The following ADAMTSL1 variants were observed in gnomAD, a reference collection of about 807,000 sequenced individuals.
ADAMTSL1 encodes ADAMTS like 1.
A neutral mutation model predicts 201.8 loss-of-function variants in ADAMTSL1; 126 were observed. That is an observed-to-expected ratio of 0.62 (90% CI 0.54 to 0.72). ADAMTSL1 has a LOEUF of 0.72. Ranked by LOEUF, ADAMTSL1 falls within the 30% of genes least tolerant of loss-of-function variation. The pLI, the probability that ADAMTSL1 is intolerant of heterozygous loss-of-function variation, is 0.00. For missense variants in ADAMTSL1, 2,679 were observed against 2,277.8 expected (o/e 1.18, Z -3.59); for synonymous variants, 1,121 against 903.4 (o/e 1.24, Z -4.32).
chr9:17,992,579 A>C (rs1386035676), intron 1 of ADAMTSL1, among the ~76,000 whole-genome samples: 1 of 152,058 alleles, frequency 6.6e-6, no homozygotes, highest in African/African-American at 2.4e-5. Flanking sequence ...TGAGGCTAGG[A>C]GTTCAAGACC....
chr9:18,754,645 C>G (rs561759924), intron 16 of ADAMTSL1, among the ~76,000 whole-genome samples: 24 of 152,322 alleles, frequency 1.6e-4, no homozygotes, highest in African/African-American at 5.5e-4. Context: ...TGTGCTTTCT[C>G]CTAATCATTT....
At chr9:18,225,384 A>G (rs1258978767) in intron 2 of ADAMTSL1, among the ~76,000 whole-genome samples, 1 of 152,198 alleles carries the variant, frequency 6.6e-6, no homozygotes, top group Non-Finnish European at 1.5e-5. Flanking sequence ...TTATATCACT[A>G]TAATATGCGA....
At chr9:18,277,603 T>C (rs1832632871) in intron 2 of ADAMTSL1, among the ~76,000 whole-genome samples, 1 of 152,190 alleles carries the variant, frequency 6.6e-6, no homozygotes, top group Non-Finnish European at 1.5e-5. Flanking sequence ...CTCTGCTCTC[T>C]TTTTGTTACC....
intron 23 of ADAMTSL1, among the ~76,000 whole-genome samples, chr9:18,853,131 A>ACTTCATG (rs976880600): frequency 8.5e-5 from 13 of 152,140 alleles, no homozygotes; most frequent in Non-Finnish European, 1.8e-4. Flanking sequence ...ATCTGAGTAG[A>ACTTCATG]CTTCATGGGG....
chr9:18,889,516 T>C, intron 24 of ADAMTSL1, 52 bp from the exon 25 acceptor site: 1 of 1,579,030 alleles, frequency 6.3e-7, no homozygotes. Flanking sequence ...GAATTCAGAG[T>C]GTGGGCAATT....
At chr9:17,922,212 G>C (rs189768793) in intron 1 of ADAMTSL1, among the ~76,000 whole-genome samples, 2 of 151,926 alleles carry the variant, frequency 1.3e-5, no homozygotes, top group Non-Finnish European at 2.9e-5. Flanking sequence ...TCTAAGTGGA[G>C]AATTATGCAT....
At chr9:18,892,624 A>T in intron 26 of ADAMTSL1, 28 bp downstream of exon 26, 1 of 1,548,060 alleles carries the variant, frequency 6.5e-7, no homozygotes, top group Non-Finnish European at 8.7e-7. Context: ...TTGTTATTTG[A>T]AAGCTAAATC....
intron 20 of ADAMTSL1, among the ~76,000 whole-genome samples, chr9:18,808,937 G>C (rs550070072): frequency 4.6e-5 from 7 of 152,148 alleles, no homozygotes; most frequent in African/African-American, 1.7e-4. Context: ...CTGCCTCTCA[G>C]GGTTGTTATC....
At chr9:18,494,955 A>G (rs1385227963) in intron 1 of ADAMTSL1, among the ~76,000 whole-genome samples, 3 of 152,180 alleles carry the variant, frequency 2.0e-5, no homozygotes, top group Non-Finnish European at 4.4e-5. Flanking sequence ...AAGAGGACAG[A>G]CTGGTGGGAA....
At chr9:18,626,544 G>A (rs748854178) in intron 5 of ADAMTSL1, among the ~76,000 whole-genome samples, 1 of 152,214 alleles carries the variant, frequency 6.6e-6, no homozygotes, top group Non-Finnish European at 1.5e-5. Context: ...TTTCAAAAAG[G>A]CTAGAGAAAA....
chr9:18,122,708 ATCT>A (rs1825553069), intron 1 of ADAMTSL1, among the ~76,000 whole-genome samples: 1 of 152,228 alleles, frequency 6.6e-6, no homozygotes, highest in Non-Finnish European at 1.5e-5. Flanking sequence ...AGTTACATAC[ATCT>A]TCTTTTCAGC....
intron 1 of ADAMTSL1, among the ~76,000 whole-genome samples, chr9:17,994,787 A>G (rs1247125623): frequency 6.6e-6 from 1 of 152,162 alleles, no homozygotes; most frequent in African/African-American, 2.4e-5. Context: ...TTTTCTAGGT[A>G]GACAGGAATG....
At chr9:18,902,306 G>GT (rs1452668340) in intron 26 of ADAMTSL1, among the ~76,000 whole-genome samples, 2 of 152,070 alleles carry the variant, frequency 1.3e-5, no homozygotes, top group African/African-American at 2.4e-5. Flanking sequence ...CAGAATACTT[G>GT]TTTTTTCTCA....
At chr9:18,030,251 C>T (rs1820889352) in intron 1 of ADAMTSL1, among the ~76,000 whole-genome samples, 1 of 152,136 alleles carries the variant, frequency 6.6e-6, no homozygotes, top group Admixed American at 6.5e-5. Context: ...TTTGTAGGGA[C>T]ATGGATGAAA....
At chr9:18,470,651 TG>T (rs1438596765), upstream of ADAMTSL1, among the ~76,000 whole-genome samples, 1 of 152,144 alleles carries the variant, frequency 6.6e-6, no homozygotes, top group East Asian at 1.9e-4. Flanking sequence ...AAGAGACAGG[TG>T]GCTCCAGAGC....
intron 19 of ADAMTSL1, among the ~76,000 whole-genome samples, chr9:18,786,415 T>G (rs1821709032): frequency 6.6e-6 from 1 of 152,254 alleles, no homozygotes. Context: ...AAATCCCAGT[T>G]CTGCCACTTA....
At position 18,826,347 on chromosome 9, in the gene ADAMTSL1, T is replaced by C; in HGVS notation, c.3998T>C (p.Leu1333Pro). Reference sequence around the variant, plus strand: ...AGCAAACTGGGCTCCCCGCACCATCTGCACGAAGGCTCCTTGCTGCTCACA... The same window carrying C: ...AGCAAACTGGGCTCCCCGCACCATCCGCACGAAGGCTCCTTGCTGCTCACA... ...NKSKLGSPHH[L>P]HEGSLLLTNV... Residue 1333 changes from leucine to proline, a missense_variant, in exon 22 of 29, where the codon CTG becomes CCG. Transcript: ENST00000380548. 1 of 1,613,682 alleles carries C rather than the reference T, an allele frequency of 6.2e-7. No individual in the cohort carries two copies. Among genetic ancestry groups the C allele is most frequent in the South Asian group, 1.1e-5 (1 of 91,010 alleles).
At chr9:18,734,714 C>T (rs546210787) in intron 15 of ADAMTSL1, among the ~76,000 whole-genome samples, 9 of 152,134 alleles carry the variant, frequency 5.9e-5, no homozygotes, top group African/African-American at 9.7e-5. Context: ...AAGGTAACCA[C>T]GAGCTGAGTC....
intron 1 of ADAMTSL1, among the ~76,000 whole-genome samples, chr9:17,980,404 C>A (rs552061770): frequency 6.6e-6 from 1 of 151,360 alleles, no homozygotes; most frequent in Non-Finnish European, 1.5e-5. Flanking sequence ...CTTTTTCTAT[C>A]TTCTAATTTA....
Sources: allele counts gnomAD v4.1 joint callset (sites outside exome capture counted in the v4.1 genomes callset), GRCh38; gene constraint gnomAD v4.1.1; transcripts MANE v1.5; gene names NCBI Gene and HGNC (gene_info 2026-07-23, HGNC 2026-07-21).